UBA1: variants seen among roughly 807,000 people sequenced by gnomAD.
UBA1 encodes the protein ubiquitin-like modifier-activating enzyme 1.
A neutral mutation model predicts 84.7 loss-of-function variants in UBA1; 4 were observed. The ratio of observed to expected loss-of-function variants is 0.05; its 90% CI spans 0.02 to 0.11. The LOEUF (loss-of-function observed/expected upper bound fraction) is 0.11. UBA1 is among the 10% of genes least tolerant of loss of function. UBA1 has a pLI of 1.00. For missense variants in UBA1, 513 were observed against 902.8 expected (o/e 0.57, Z 5.53); for synonymous variants, 364 against 362.6 (o/e 1.00, Z -0.04).
intron 1 of UBA1, chrX:47,197,875 T>C (rs1936259463): frequency 3.9e-5 from 25 of 644,189 alleles, no homozygotes; most frequent in East Asian, 1.5e-4. Context: ...GGGGGTATTA[T>C]TGATAGCAGT....
chrX:47,210,902 T>C lies in UBA1; in HGVS notation c.2260T>C (p.Phe754Leu), dbSNP rs1419994094. ...GPKRCPHPLT[F>L]DVNNPLHLDY... ...CAAACGCTGTCCACACCCGCTCACC[T>C]TTGATGTCAACAATGTAAGTCTCCT... Residue 754 changes from phenylalanine (F) to leucine (L), a missense_variant, in exon 19 of 26, where the codon TTT (phenylalanine) becomes CTT (leucine). Physicochemically the swap from Phe to Leu is conservative, Grantham distance 22 (BLOSUM62 0). This residue lies in a region of UBA1 where 151 missense variants were observed against 260.1 expected (regional missense o/e 0.58). Transcript: ENST00000335972. 8.3e-7 allele frequency: 1 copy of C among 1,211,331 alleles called. No homozygotes were observed. The highest frequency in any genetic ancestry group is 1.8e-5 in the South Asian group (1 of 56,902).
rs1314395206 is a variant in UBA1 at position 47,199,397 on chromosome X, T to C, written c.345+20T>C. 60 of 1,210,188 alleles carry C rather than the reference T, an allele frequency of 5.0e-5. No individual in the cohort carries two copies. Among genetic ancestry groups the C allele is most frequent in the Non-Finnish European group, 6.5e-5 (58 of 895,002 alleles). ...TCCCAGGTACCTCTTCCTAGCACCC[T>C]TCCCCCTTTCCCCCTTCCCGAGGCA... On this transcript the variant is annotated intron_variant, in intron 4 of 25. Transcript: ENST00000335972.
chrX:47,213,837 C>T (rs1937030910), intron 23 of UBA1, among the ~76,000 whole-genome samples: 1 of 109,604 alleles, frequency 9.1e-6, no homozygotes, highest in Non-Finnish European at 1.9e-5. Context: ...ATTGCACTCC[C>T]GCCTGGGTGA....
Position 47,199,345 on chromosome X carries a change from G to A in UBA1, c.313G>A (p.Gly105Ser), listed in dbSNP as rs369078963. The A allele has an allele frequency of 5.8e-6, 7 of 1,210,704 alleles. No individual in the cohort carries two copies. In the African/African-American group the frequency reaches 7.0e-5, roughly 12 times the overall value. The change falls in exon 4 of 26, where the codon GGC (glycine) becomes AGC (serine). Residue 105 changes from glycine to serine, a missense_variant. This residue lies in a region of UBA1 where 227 missense variants were observed against 339.1 expected (regional missense o/e 0.67). Transcript: ENST00000335972. ...GVKAVTLHDQGTAQWADLSSQ... is the reference protein window; with the variant it reads ...GVKAVTLHDQSTAQWADLSSQ... The stretch of plus-strand genomic sequence containing the variant: ...CAAGGCTGTTACCCTACATGACCAG[G>A]GCACTGCCCAGTGGGCTGATCTTTC...
intron 5 of UBA1, among the ~76,000 whole-genome samples, chrX:47,200,682 A>G (rs1936370757): frequency 8.9e-6 from 1 of 111,997 alleles, no homozygotes; most frequent in African/African-American, 3.2e-5. Flanking sequence ...CCCTCCTCCC[A>G]GCTACCTCTT....
intron 24 of UBA1, 28 bp from the exon 25 acceptor site, chrX:47,214,509 G>A (rs1556794627): frequency 8.3e-7 from 1 of 1,203,514 alleles, no homozygotes. Context: ...CCACCTCCAT[G>A]ACCCTGCTGT....
chrX:47,198,940 G>C, intron 2 of UBA1, 21 bp downstream of exon 2: 5 of 1,206,605 alleles, frequency 4.1e-6, no homozygotes, highest in Non-Finnish European at 5.6e-6. Context: ...TCTCCGTGGA[G>C]ACTGGCAGAC....
upstream of UBA1, among the ~76,000 whole-genome samples, chrX:47,192,718 G>A (rs1473275168): frequency 9.0e-6 from 1 of 111,219 alleles, no homozygotes; most frequent in Non-Finnish European, 1.9e-5. Context: ...AGCCTCCCCA[G>A]TAGCTGGGAT....
At chrX:47,195,088 G>A (rs1440548653) in intron 1 of UBA1, among the ~76,000 whole-genome samples, 1 of 111,017 alleles carries the variant, frequency 9.0e-6, no homozygotes, top group Non-Finnish European at 1.9e-5. Context: ...TTTTTTCACA[G>A]ATCCCTTATC....
chrX:47,214,472 G>A, intron 24 of UBA1, 44 bp downstream of exon 24: 1 of 1,197,165 alleles, frequency 8.4e-7, no homozygotes, highest in Non-Finnish European at 1.1e-6. Context: ...CAGGGGGCGA[G>A]GTGTACACGG....
intron 5 of UBA1, among the ~76,000 whole-genome samples, chrX:47,200,124 G>A (rs1317527573): frequency 8.9e-6 from 1 of 111,813 alleles, no homozygotes; most frequent in Non-Finnish European, 1.9e-5. Flanking sequence ...TGTACAGACA[G>A]TACAGCATAG....
At chrX:47,207,357 A>G (rs1432844758) in intron 16 of UBA1, among the ~76,000 whole-genome samples, 2 of 112,141 alleles carry the variant, frequency 1.8e-5, no homozygotes, top group African/African-American at 6.5e-5. Context: ...CATAAAATAT[A>G]CTAATACTAA....
Position 47,209,995 on chromosome X carries a change from G to C in UBA1, c.2071G>C (p.Val691Leu), listed in dbSNP as rs1936855555. Reference sequence around the variant, plus strand: ...TCAGCCCTTGGAGGTGCTGGAGGCTGTGCAGCGCAGCCTGGTGCTGCAGCG... The same window carrying C: ...TCAGCCCTTGGAGGTGCTGGAGGCTCTGCAGCGCAGCCTGGTGCTGCAGCG... Reference protein sequence around the residue: ...GTQPLEVLEAVQRSLVLQRPQ... With the variant: ...GTQPLEVLEALQRSLVLQRPQ... Residue 691 changes from valine (V) to leucine (L), a missense_variant, in exon 18 of 26, where the codon GTG (valine) becomes CTG (leucine). By Grantham distance (32) the Val-to-Leu change is conservative. Coordinates refer to ENST00000335972, the MANE Select transcript of UBA1 (RefSeq NM_003334.4). The C allele has an allele frequency of 8.2e-7, 1 of 1,212,208 alleles. No homozygotes were observed. Among genetic ancestry groups the C allele is most frequent in the African/African-American group, 1.7e-5 (1 of 57,921 alleles).
At chrX:47,211,975 T>C (rs1399527895) in intron 20 of UBA1, among the ~76,000 whole-genome samples, 8 of 70,657 alleles carry the variant, frequency 1.1e-4, no homozygotes, top group Non-Finnish European at 1.7e-4. Context: ...CTCCCCCTTT[T>C]ATATCTTCTC....
At chrX:47,197,795 C>T in intron 1 of UBA1, 4 of 448,910 alleles carry the variant, frequency 8.9e-6, no homozygotes, top group Non-Finnish European at 1.1e-5. Context: ...TGGTCTGGTC[C>T]CAGCTCAGTG....
At chrX:47,199,707 G>C in intron 5 of UBA1, 93 bp downstream of exon 5, 4 of 1,065,119 alleles carry the variant, frequency 3.8e-6, no homozygotes, top group Non-Finnish European at 5.2e-6. Context: ...TTAATGGGTC[G>C]GCCTGAATGT....
At chrX:47,205,146 T>C (rs1936608324) in intron 14 of UBA1, 2 of 197,096 alleles carry the variant, frequency 1.0e-5, no homozygotes, top group Non-Finnish European at 1.9e-5. Context: ...TGCCCTCTGC[T>C]GTGGAAGAGC....
rs782032070 is a variant in UBA1, at chrX:47,215,073, C to G, written c.*144C>G. 2 of 839,462 alleles carry G rather than the reference C, an allele frequency of 2.4e-6. No individual in the cohort carries two copies. The highest frequency in any genetic ancestry group is 3.5e-6 in the Non-Finnish European group (2 of 576,255). The allele number at this position is 839,462 out of a possible 1,213,427, so 69.2% of individuals were successfully genotyped here. ...ATCCCCCTACCTGAACCCCTCTTGC[C>G]ACTGCCTTCTACCTTGTTTGAAACC... On this transcript the variant is annotated 3_prime_UTR_variant, in exon 26 of 26. Transcript: ENST00000335972.
chrX:47,212,463 G>A lies in UBA1; in HGVS notation c.2504G>A (p.Ser835Asn), dbSNP rs782586380. Reference sequence around the variant, plus strand: ...GAGGAGCTCAAAGCCACTCTGCCCAGCCCAGACAAGCTCCCTGGATTCAAG... The same window carrying A: ...GAGGAGCTCAAAGCCACTCTGCCCAACCCAGACAAGCTCCCTGGATTCAAG... Reference protein sequence around the residue: ...RLEELKATLPSPDKLPGFKMY... With the variant: ...RLEELKATLPNPDKLPGFKMY... Residue 835 changes from serine (S) to asparagine (N), a missense_variant, in exon 21 of 26, where the codon AGC (serine) becomes AAC (asparagine). Around this residue, in one of 6 missense-constraint regions of UBA1, gnomAD observed 151 missense variants for 260.1 expected, o/e 0.58. Transcript: ENST00000335972. 1.2e-5 allele frequency: 15 copies of A among 1,209,051 alleles called. No homozygotes were observed. The highest frequency in any genetic ancestry group is 1.7e-5 in the Non-Finnish European group (15 of 894,660).
Sources: gnomAD v4.1 joint callset for allele counts (sites outside exome capture counted in the v4.1 genomes callset) on GRCh38, gnomAD v4.1.1 for gene constraint, gnomAD v4.1.1 regional missense constraint, MANE v1.5 for transcripts, NCBI Gene and HGNC (gene_info 2026-07-23, HGNC 2026-07-21) for gene names.